Variants in ALG5 observed in about 807,000 individuals in gnomAD.
ALG5 encodes the protein dolichyl-phosphate beta-glucosyltransferase.
Under a neutral mutation model 51.8 loss-of-function variants are expected in ALG5, and 26 were observed. The ratio of observed to expected loss-of-function variants is 0.50; its 90% confidence interval spans 0.37 to 0.70. ALG5 has a LOEUF of 0.70. ALG5 is among the 30% of genes least tolerant of loss of function. The pLI is 0.00. For synonymous variants in ALG5, 141 were observed against 136.1 expected, an observed-to-expected ratio of 1.04 and a Z score of -0.25; for missense variants, 311 against 399.3, an observed-to-expected ratio of 0.78 and a Z score of 1.88.
rs1485178684 is a variant in ALG5, at chr13:36,992,835, A to G, written c.354+769T>C. Among the ~76,000 whole-genome samples the G allele has an allele frequency of 4.6e-5, 7 of 152,242 alleles. No individual in the cohort carries two copies. In the East Asian group the frequency reaches 1.3e-3, roughly 29 times the overall value. ...CTTAGCGAAAACTGGTTTGTTTTAA[A>G]TAAAAACTTCTACTAAATATAATTT... On this transcript the variant is annotated intron_variant, in intron 4 of 9. Coordinates refer to ENST00000239891, the MANE Select transcript of ALG5 (RefSeq NM_013338.5).
intron 6 of ALG5, among the ~76,000 whole-genome samples, chr13:36,979,452 A>C (rs372209226): frequency 6.6e-6 from 1 of 152,346 alleles, no homozygotes; most frequent in East Asian, 1.9e-4. Flanking sequence ...CACATGGTCC[A>C]CAAAAAAAGG....
chr13:36,961,198 G>T (rs956461760), intron 8 of ALG5, among the ~76,000 whole-genome samples: 1 of 151,930 alleles, frequency 6.6e-6, no homozygotes, highest in African/African-American at 2.4e-5. Flanking sequence ...GGAGGATCAC[G>T]TGAGCTCAGG....
At chr13:36,972,740 C>T (rs1354111485) in intron 6 of ALG5, among the ~76,000 whole-genome samples, 7 of 152,102 alleles carry the variant, frequency 4.6e-5, no homozygotes, top group Non-Finnish European at 1.0e-4. Context: ...CGCCTGTAAT[C>T]GCAGCACTTT....
chr13:36,965,975 G>T (rs1360624750), intron 7 of ALG5, among the ~76,000 whole-genome samples: 1 of 152,160 alleles, frequency 6.6e-6, no homozygotes, highest in Admixed American at 6.5e-5. Flanking sequence ...CAGACAAGCG[G>T]CCAGGGCTTT....
At chr13:36,979,453 C>T (rs1412845220) in intron 6 of ALG5, among the ~76,000 whole-genome samples, 1 of 151,588 alleles carries the variant, frequency 6.6e-6, no homozygotes, top group Non-Finnish European at 1.5e-5. Context: ...ACATGGTCCA[C>T]AAAAAAAGGG....
At chr13:36,962,156 T>A (rs2058870206) in intron 8 of ALG5, among the ~76,000 whole-genome samples, 1 of 152,206 alleles carries the variant, frequency 6.6e-6, no homozygotes, top group Admixed American at 6.5e-5. Flanking sequence ...TCTATTTGAT[T>A]TCGATTTCTT....
At chr13:36,965,942 T>C (rs1199289367) in intron 7 of ALG5, among the ~76,000 whole-genome samples, 2 of 152,184 alleles carry the variant, frequency 1.3e-5, no homozygotes, top group South Asian at 2.1e-4. Context: ...AGGAAGCAGT[T>C]ACTCATTTCC....
intron 1 of ALG5, among the ~76,000 whole-genome samples, chr13:36,998,184 C>T (rs1024734714): frequency 6.6e-6 from 1 of 152,036 alleles, no homozygotes; most frequent in African/African-American, 2.4e-5. Context: ...GAATCCACTC[C>T]CCGCCCGCAC....
rs185221914 is a variant in ALG5, at chr13:36,964,463, T to G, written c.773+1112A>C. Among the ~76,000 whole-genome samples, 20 of 152,210 alleles carry G rather than the reference T, an allele frequency of 1.3e-4. No individual in the cohort carries two copies. In the East Asian group the frequency reaches 3.9e-3, roughly 29 times the overall value. On this transcript the variant is annotated intron_variant, in intron 8 of 9. Transcript: ENST00000239891. ...CCCTGTCATGGATTGGATATATGCA[T>G]GTGGAGAATGTCAGGGCTGATGTCA...
intron 1 of ALG5, 71 bp downstream of exon 1, chr13:36,999,164 C>A (rs1226999451): frequency 2.2e-6 from 3 of 1,375,242 alleles, no homozygotes; most frequent in African/African-American, 1.5e-5. Flanking sequence ...GAGGAGGGGA[C>A]GCCTGAGGAG....
intron 4 of ALG5, among the ~76,000 whole-genome samples, chr13:36,992,988 C>A (rs1364975745): frequency 6.6e-6 from 1 of 152,150 alleles, no homozygotes; most frequent in Non-Finnish European, 1.5e-5. Context: ...AGGTCAAGGG[C>A]CACCAAAAAA....
At chr13:36,989,415 C>G in intron 5 of ALG5, 69 bp downstream of exon 5, 1 of 1,191,000 alleles carries the variant, frequency 8.4e-7, no homozygotes, top group South Asian at 1.3e-5. Context: ...GGCAAACATA[C>G]AAGTCTGCAA....
chr13:36,985,612 C>T lies in ALG5; in HGVS notation c.561+15G>A, dbSNP rs2058998730. ...TCTTGACTGAATGTTATTTAAACTA[C>T]ATTCTTATACTCACAGGCCAAGGCT... On this transcript the variant is annotated intron_variant, in intron 6 of 9. Coordinates refer to ENST00000239891, the MANE Select transcript of ALG5 (RefSeq NM_013338.5). The T allele has an allele frequency of 4.4e-6, 7 of 1,583,292 alleles. No individual in the cohort carries two copies. Among genetic ancestry groups the T allele is most frequent in the Non-Finnish European group, 6.0e-6 (7 of 1,158,516 alleles).
rs1295422865 is a variant in ALG5, at chr13:36,985,683, T to C, written c.505A>G (p.Lys169Glu). Residue 169 changes from lysine (K) to glutamate (E), a missense_variant, in exon 6 of 10, where the codon AAG (lysine) becomes GAG (glutamate). Transcript: ENST00000239891. ...TCTAATTTCTCAACATCTGGAAACT[T>C]TGTGGCTCCATCAGCATCTGCCATA... ...ILMADADGAT[K>E]FPDVEKLEKG... is the part of the protein sequence containing the mutation. 3 of 1,613,846 alleles carry C rather than the reference T, an allele frequency of 1.9e-6. No individual in the cohort carries two copies. The highest frequency in any genetic ancestry group is 1.7e-5 in the Admixed American group (1 of 59,998).
intron 2 of ALG5, among the ~76,000 whole-genome samples, 154 bp downstream of exon 2, chr13:36,995,271 C>G (rs1488704352): frequency 6.6e-6 from 1 of 152,212 alleles, no homozygotes; most frequent in African/African-American, 2.4e-5. Context: ...CAAATATTCA[C>G]TTCCCTCTCT....
intron 7 of ALG5, chr13:36,967,738 A>G (rs1416492596): frequency 2.1e-6 from 2 of 945,178 alleles, no homozygotes; most frequent in Non-Finnish European, 1.5e-6. Flanking sequence ...CAGCTTGCTC[A>G]GTGCCTTCCA....
chr13:36,991,865 TCCTCCCAC>T (rs2059026927), intron 4 of ALG5, among the ~76,000 whole-genome samples: 1 of 152,134 alleles, frequency 6.6e-6, no homozygotes, highest in South Asian at 2.1e-4. Context: ...GCTCAAGCAG[TCCTCCCAC>T]CCTCCCACCT....
At chr13:36,987,283 G>A (rs938477579) in intron 5 of ALG5, among the ~76,000 whole-genome samples, 7 of 152,006 alleles carry the variant, frequency 4.6e-5, no homozygotes, top group East Asian at 1.9e-4. Flanking sequence ...TAATGGCATC[G>A]TCATCCTCCC....
chr13:36,985,693 A>C lies in ALG5; in HGVS notation c.495T>G (p.Asp165Glu), dbSNP rs1235753521. 1 of 1,613,818 alleles carries C rather than the reference A, an allele frequency of 6.2e-7. No individual in the cohort carries two copies. The highest frequency in any genetic ancestry group is 8.5e-7 in the Non-Finnish European group (1 of 1,179,908). ...CAACATCTGGAAACTTTGTGGCTCC[A>C]TCAGCATCTGCCATAAGGATCTTTT... ...RGEKILMADA[D>E]GATKFPDVEK... Residue 165 changes from aspartate (D) to glutamate (E), a missense_variant, in exon 6 of 10, where the codon GAT becomes GAG. Transcript: ENST00000239891.
Sources: gnomAD v4.1 joint callset for allele counts (sites outside exome capture counted in the v4.1 genomes callset) on GRCh38, gnomAD v4.1.1 for gene constraint, MANE v1.5 for transcripts, NCBI Gene and HGNC (gene_info 2026-07-23, HGNC 2026-07-21) for gene names.